RBMS3: variants seen among roughly 807,000 people sequenced by gnomAD.
RBMS3 encodes RNA binding motif single stranded interacting protein 3.
Under a neutral mutation model 66.8 loss-of-function variants are expected in RBMS3, and 27 were observed. The ratio of observed to expected loss-of-function variants is 0.40; its 90% CI spans 0.30 to 0.56. The LOEUF (loss-of-function observed/expected upper bound fraction) is 0.56, where lower values mean the gene tolerates loss of function less well. RBMS3 is among the 20% of genes least tolerant of loss of function. The pLI, the probability that RBMS3 is intolerant of heterozygous loss-of-function variation, is 0.40. For synonymous variants in RBMS3, 188 were observed against 183.0 expected (o/e 1.03, Z -0.22); for missense variants, 513 against 549.5 (o/e 0.93, Z 0.66).
At position 30,007,272 on chromosome 3, in the gene RBMS3, T is replaced by A. The variant is rs1427388058; in HGVS notation, c.*3410T>A. On this transcript the variant is annotated 3_prime_UTR_variant, in exon 15 of 15. Coordinates refer to ENST00000383767, the MANE Select transcript of RBMS3 (RefSeq NM_001003793.3). ...TGTAGTGATTTGTTTGTTTGTTTGTTTGAGACGGAGTCTCGCTCTGTCGCC... is the reference window on the plus strand; with the variant it reads ...TGTAGTGATTTGTTTGTTTGTTTGTATGAGACGGAGTCTCGCTCTGTCGCC... 1.3e-5 allele frequency: 2 copies of A among 152,140 alleles called. No homozygotes were observed. Among genetic ancestry groups the A allele is most frequent in the African/African-American group, 4.8e-5 (2 of 41,432 alleles). The allele number at this position is 152,140 out of a possible 1,614,324, so 9.4% of individuals were successfully genotyped here. A position where few individuals can be genotyped will look rare whatever the true frequency, so the allele number is the denominator to read the frequency against.
intron 3 of RBMS3, among the ~76,000 whole-genome samples, chr3:29,559,726 A>G (rs907885344): frequency 6.6e-6 from 1 of 152,086 alleles, no homozygotes; most frequent in African/African-American, 2.4e-5. Flanking sequence ...ACCAATTTGC[A>G]TTTATTGAAT....
intron 12 of RBMS3, among the ~76,000 whole-genome samples, chr3:29,956,349 G>A (rs1202373574): frequency 6.6e-6 from 1 of 151,972 alleles, no homozygotes; most frequent in Non-Finnish European, 1.5e-5. Flanking sequence ...AAAGTTTTCT[G>A]TTACCACCTG....
At chr3:29,448,465 G>A (rs143249088) in intron 2 of RBMS3, among the ~76,000 whole-genome samples, 120 of 152,292 alleles carry the variant, frequency 7.9e-4, no homozygotes, top group African/African-American at 2.6e-3. Context: ...CTCTGTGTGC[G>A]ACTCTTCTTT....
chr3:29,950,098 T>A (rs534532047), intron 12 of RBMS3, among the ~76,000 whole-genome samples: 56 of 151,900 alleles, frequency 3.7e-4, no homozygotes, highest in African/African-American at 1.3e-3. Context: ...TGCTTTGCCA[T>A]CCGATTATAA....
chr3:29,988,828 C>G (rs1306476097), intron 13 of RBMS3, among the ~76,000 whole-genome samples: 1 of 152,128 alleles, frequency 6.6e-6, no homozygotes, highest in Non-Finnish European at 1.5e-5. Flanking sequence ...ACTATCCAGA[C>G]CTACTGCATC....
chr3:29,509,020 A>G (rs1364125550), intron 3 of RBMS3, among the ~76,000 whole-genome samples: 3 of 148,964 alleles, frequency 2.0e-5, no homozygotes, highest in Non-Finnish European at 4.4e-5. Context: ...GTCTGTTCAT[A>G]TCCTTTGCCC....
intron 4 of RBMS3, among the ~76,000 whole-genome samples, chr3:29,598,987 C>A (rs146603166): frequency 6.6e-6 from 1 of 152,016 alleles, no homozygotes; most frequent in African/African-American, 2.4e-5. Flanking sequence ...AGTAACAGAA[C>A]TAAATTCCAT....
intron 3 of RBMS3, among the ~76,000 whole-genome samples, chr3:29,532,237 C>CAT (rs71688232): frequency 0.028 from 2,568 of 91,840 alleles, 105 homozygotes; most frequent in Non-Finnish European, 0.034. Context: ...TTTAATTTCG[C>CAT]ATATATATGT....
chr3:29,714,993 T>A (rs1293931677), intron 4 of RBMS3, among the ~76,000 whole-genome samples: 1 of 152,098 alleles, frequency 6.6e-6, no homozygotes, highest in African/African-American at 2.4e-5. Flanking sequence ...CCCTCATAGA[T>A]AATAGTTTTA....
chr3:29,727,373 A>G (rs185340148), intron 4 of RBMS3, among the ~76,000 whole-genome samples: 31 of 152,330 alleles, frequency 2.0e-4, no homozygotes, highest in Admixed American at 2.0e-3. Flanking sequence ...GATTGGATCA[A>G]ATCAAACTAA....
At chr3:29,542,513 G>A (rs150912194) in intron 3 of RBMS3, among the ~76,000 whole-genome samples, 290 of 152,174 alleles carry the variant, frequency 1.9e-3, no homozygotes, top group Non-Finnish European at 2.2e-3. Flanking sequence ...AGCACTTGCC[G>A]TCACACCTGG....
intron 1 of RBMS3, among the ~76,000 whole-genome samples, chr3:29,309,414 C>T (rs2034231474): frequency 1.3e-5 from 2 of 151,736 alleles, no homozygotes; most frequent in Admixed American, 6.6e-5. Context: ...ACACCAACAA[C>T]AAACCCTTTG....
chr3:29,822,956 A>G (rs1458648208), intron 6 of RBMS3, among the ~76,000 whole-genome samples: 5 of 152,166 alleles, frequency 3.3e-5, no homozygotes, highest in Non-Finnish European at 7.4e-5. Flanking sequence ...GTAAAATGTG[A>G]TACTTGGAGG....
chr3:29,714,360 A>G, intron 4 of RBMS3, among the ~76,000 whole-genome samples: 1 of 152,230 alleles, frequency 6.6e-6, no homozygotes, highest in Non-Finnish European at 1.5e-5. Flanking sequence ...TATGCAACAG[A>G]TGGGTTAAAG....
At chr3:29,288,807 C>T (rs2032575201) in intron 1 of RBMS3, among the ~76,000 whole-genome samples, 1 of 151,888 alleles carries the variant, frequency 6.6e-6, no homozygotes, top group African/African-American at 2.4e-5. Context: ...GAATAGTAGC[C>T]TAGAAAACGT....
rs542967986 is a variant in RBMS3, at chr3:30,009,037, A to AG, written c.*5178dup. 1.7e-3 allele frequency: 265 copies of AG among 152,212 alleles called. 1 individual carries two copies. The highest frequency in any genetic ancestry group is 5.8e-3 in the African/African-American group (240 of 41,548). The allele number at this position is 152,212 out of a possible 1,614,324, so 9.4% of individuals were successfully genotyped here. A position where few individuals can be genotyped will look rare whatever the true frequency, so the allele number is the denominator to read the frequency against. ...ATATTCATTTCTGTTTATTTTTGTG[A>AG]GGGAAAATAATATATCAAGAAAATT... On this transcript the variant is annotated 3_prime_UTR_variant, in exon 15 of 15. Transcript: ENST00000383767.
intron 1 of RBMS3, among the ~76,000 whole-genome samples, chr3:29,388,268 T>A (rs577837884): frequency 2.8e-4 from 43 of 152,364 alleles, no homozygotes; most frequent in Admixed American, 1.3e-3. Flanking sequence ...TGTCTGACTC[T>A]CTGTAATAGA....
At chr3:29,698,094 A>C in intron 4 of RBMS3, 1 of 593,418 alleles carries the variant, frequency 1.7e-6, no homozygotes, top group Middle Eastern at 8.5e-4. Context: ...TTGGTGCTTC[A>C]TTTTATGTGA....
chr3:29,731,749 A>T (rs754374770), intron 4 of RBMS3, among the ~76,000 whole-genome samples: 1 of 152,104 alleles, frequency 6.6e-6, no homozygotes, highest in Non-Finnish European at 1.5e-5. Flanking sequence ...AGATTTGACA[A>T]AACTAACACA....
Sources: gnomAD v4.1 joint callset for allele counts (sites outside exome capture counted in the v4.1 genomes callset) on GRCh38, gnomAD v4.1.1 for gene constraint, MANE v1.5 for transcripts, NCBI Gene and HGNC (gene_info 2026-07-23, HGNC 2026-07-21) for gene names.